The following RETREG1 variants were observed in gnomAD, a reference collection of about 807,000 sequenced individuals.
The protein encoded by RETREG1 is family with sequence similarity 134 member B.
A neutral mutation model predicts 54.8 loss-of-function variants in RETREG1; 44 were observed. The observed-to-expected ratio is 0.80, with a 90% CI of 0.63 to 1.03. The LOEUF (loss-of-function observed/expected upper bound fraction) is 1.03. RETREG1 is among the 50% of genes least tolerant of loss of function. The pLI, the probability that RETREG1 is intolerant of heterozygous loss-of-function variation, is 0.00. For synonymous variants in RETREG1, 217 were observed against 238.5 expected (o/e 0.91, Z 0.83); for missense variants, 554 against 605.1 (o/e 0.92, Z 0.89).
At chr5:16,596,439 A>G (rs1742895460) in intron 1 of RETREG1, among the ~76,000 whole-genome samples, 2 of 152,216 alleles carry the variant, frequency 1.3e-5, no homozygotes, top group Admixed American at 1.3e-4. Flanking sequence ...GGAAGCTGAC[A>G]AGGGGAAACT....
chr5:16,485,353 C>T (rs920118790), intron 3 of RETREG1, among the ~76,000 whole-genome samples: 1 of 152,104 alleles, frequency 6.6e-6, no homozygotes, highest in Non-Finnish European at 1.5e-5. Context: ...TTGTTATTTT[C>T]TTTTAAACAT....
At chr5:16,587,295 C>T (rs889917418) in intron 1 of RETREG1, among the ~76,000 whole-genome samples, 10 of 152,238 alleles carry the variant, frequency 6.6e-5, no homozygotes, top group African/African-American at 2.4e-4. Context: ...ACATCTCCAT[C>T]GCATGTAATG....
At chr5:16,577,022 C>T (rs1242599508) in intron 1 of RETREG1, among the ~76,000 whole-genome samples, 1 of 136,384 alleles carries the variant, frequency 7.3e-6, no homozygotes, top group African/African-American at 2.6e-5. Context: ...TTTCCCCACT[C>T]ATTTTTGTGT....
chr5:16,568,905 A>C (rs569040883), intron 2 of RETREG1, among the ~76,000 whole-genome samples: 3 of 152,310 alleles, frequency 2.0e-5, no homozygotes, highest in South Asian at 4.1e-4. Flanking sequence ...TAGCGAGAAA[A>C]CGTGGGAAGC....
At position 16,473,264 on chromosome 5, in the gene RETREG1, A is replaced by G. The variant is rs1201323888; in HGVS notation, c.*1477T>C. 1 of 152,562 alleles carries G rather than the reference A, an allele frequency of 6.6e-6. No individual in the cohort carries two copies. The highest frequency in any genetic ancestry group is 1.9e-4 in the East Asian group (1 of 5,196). The allele number at this position is 152,562 out of a possible 1,614,324, so 9.5% of individuals were successfully genotyped here. On this transcript the variant is annotated 3_prime_UTR_variant, in exon 9 of 9. Coordinates refer to ENST00000306320, the MANE Select transcript of RETREG1 (RefSeq NM_001034850.3). The stretch of plus-strand genomic sequence containing the variant: ...TCATGAGGCACTAATGACATAAGCA[A>G]TCACAAAAAGCAAGTGTTCAAAGTC...
intron 1 of RETREG1, among the ~76,000 whole-genome samples, chr5:16,578,862 C>CA (rs908537793): frequency 1.7e-4 from 26 of 152,322 alleles, no homozygotes; most frequent in African/African-American, 5.5e-4. Flanking sequence ...GACAGGTAAA[C>CA]AACTGTGTTT....
At chr5:16,479,079 T>G in intron 5 of RETREG1, 92 bp from the exon 6 acceptor site, 1 of 1,291,980 alleles carries the variant, frequency 7.7e-7, no homozygotes, top group Non-Finnish European at 1.1e-6. Context: ...ATTTCTTTAC[T>G]GAAAAACTTA....
At chr5:16,595,061 C>T (rs1742861391) in intron 1 of RETREG1, among the ~76,000 whole-genome samples, 1 of 152,096 alleles carries the variant, frequency 6.6e-6, no homozygotes, top group Non-Finnish European at 1.5e-5. Flanking sequence ...TCTCCATGTG[C>T]AAAGATGGTA....
chr5:16,604,526 C>T (rs1743133727), intron 1 of RETREG1, among the ~76,000 whole-genome samples: 1 of 152,198 alleles, frequency 6.6e-6, no homozygotes, highest in Non-Finnish European at 1.5e-5. Context: ...ACACAATAGC[C>T]ACAATGCTTT....
intron 3 of RETREG1, among the ~76,000 whole-genome samples, chr5:16,516,704 T>A (rs1007689833): frequency 2.0e-5 from 3 of 152,110 alleles, no homozygotes; most frequent in Non-Finnish European, 4.4e-5. Context: ...TGACATTTCT[T>A]AAACTACACA....
In RETREG1 at chr5:16,546,894, G is replaced by A. The variant is rs745557202; in HGVS notation, c.458+18869C>T. On this transcript the variant is annotated intron_variant, in intron 3 of 8. Coordinates refer to ENST00000306320, the MANE Select transcript of RETREG1 (RefSeq NM_001034850.3). ...CTGGTGGCACAGACTCTCTCTTTATGTAGAGCAAATAGCAACAGAATCTCT... is the reference window on the plus strand; with the variant it reads ...CTGGTGGCACAGACTCTCTCTTTATATAGAGCAAATAGCAACAGAATCTCT... Among the ~76,000 whole-genome samples the A allele has an allele frequency of 4.1e-4, 63 of 152,258 alleles. 1 individual carries two copies. The highest frequency in any genetic ancestry group is 2.1e-3 in the South Asian group (10 of 4,822).
At chr5:16,567,394 T>G in intron 2 of RETREG1, among the ~76,000 whole-genome samples, 1 of 152,152 alleles carries the variant, frequency 6.6e-6, no homozygotes, top group East Asian at 1.9e-4. Context: ...ATCCAGGCCA[T>G]CTGACAAGCT....
At chr5:16,494,254 A>G (rs1345821774) in intron 3 of RETREG1, among the ~76,000 whole-genome samples, 1 of 152,246 alleles carries the variant, frequency 6.6e-6, no homozygotes, top group Non-Finnish European at 1.5e-5. Context: ...ATTAATAAAT[A>G]TAATATTCAA....
At chr5:16,517,030 G>C (rs535087498) in intron 3 of RETREG1, among the ~76,000 whole-genome samples, 4 of 152,192 alleles carry the variant, frequency 2.6e-5, no homozygotes, top group African/African-American at 4.8e-5. Flanking sequence ...ACAATACTGA[G>C]TGAGGAAAAG....
At chr5:16,600,568 C>G (rs749274600) in intron 1 of RETREG1, among the ~76,000 whole-genome samples, 4 of 152,180 alleles carry the variant, frequency 2.6e-5, no homozygotes, top group Non-Finnish European at 5.9e-5. Context: ...CCAGAACACT[C>G]GGAGTCAGGC....
chr5:16,540,626 G>A (rs1399644211), intron 3 of RETREG1, among the ~76,000 whole-genome samples: 1 of 152,208 alleles, frequency 6.6e-6, no homozygotes, highest in African/African-American at 2.4e-5. Context: ...GGGACAGGAA[G>A]GAGCAAGAGA....
chr5:16,588,931 T>C (rs2451852), intron 1 of RETREG1, among the ~76,000 whole-genome samples: 20,524 of 152,202 alleles, frequency 0.13, 1,398 homozygotes, highest in Non-Finnish European at 0.16. Flanking sequence ...TGTCATCCTC[T>C]GGGGGCCACT....
In RETREG1 at chr5:16,597,764, C is replaced by G. The variant is rs1742943210; in HGVS notation, c.320+18888G>C. Among the ~76,000 whole-genome samples, 1 of 152,172 alleles carries G rather than the reference C, an allele frequency of 6.6e-6. No individual in the cohort carries two copies. Among genetic ancestry groups the G allele is most frequent in the East Asian group, 1.9e-4 (1 of 5,190 alleles). Reference sequence around the variant, plus strand: ...CCCCTCAAGTGCTTTCTACAAAGAACCAATCACATCAGTGCCAGGGGTTGT... The same window carrying G: ...CCCCTCAAGTGCTTTCTACAAAGAAGCAATCACATCAGTGCCAGGGGTTGT... On this transcript the variant is annotated intron_variant, in intron 1 of 8. Transcript: ENST00000306320. The surrounding 1 kb of genome is among the most constrained non-coding windows in gnomAD (Gnocchi z 4.3).
At chr5:16,552,051 C>G (rs540558776) in intron 3 of RETREG1, among the ~76,000 whole-genome samples, 44 of 152,310 alleles carry the variant, frequency 2.9e-4, no homozygotes, top group Non-Finnish European at 5.4e-4. Context: ...ATCCTTGATC[C>G]CATCTGCAAA....
Sources: allele counts gnomAD v4.1 joint callset (sites outside exome capture counted in the v4.1 genomes callset), GRCh38; gene constraint gnomAD v4.1.1; non-coding constraint Gnocchi (gnomAD v3.1); transcripts MANE v1.5; gene names NCBI Gene and HGNC (gene_info 2026-07-23, HGNC 2026-07-21).